Variants in ERLIN2 observed in about 807,000 individuals in gnomAD.
ERLIN2 encodes erlin-2.
Under a neutral mutation model 41.5 loss-of-function variants are expected in ERLIN2, and 22 were observed. The ratio of observed to expected loss-of-function variants is 0.53; its 90% confidence interval spans 0.38 to 0.76. ERLIN2 has a LOEUF of 0.76. Ranked by LOEUF, ERLIN2 falls within the 30% of genes least tolerant of loss-of-function variation. The pLI is 0.00. For synonymous variants in ERLIN2, 149 were observed against 150.9 expected, an observed-to-expected ratio of 0.99 and a Z score of 0.09; for missense variants, 247 against 414.3, an observed-to-expected ratio of 0.60 and a Z score of 3.51.
intron 4 of ERLIN2, among the ~76,000 whole-genome samples, chr8:37,743,051 A>G (rs1802911189): frequency 6.6e-6 from 1 of 152,204 alleles, no homozygotes; most frequent in Admixed American, 6.5e-5. Context: ...GAATACCACA[A>G]AGAAACACTC....
intron 6 of ERLIN2, chr8:37,745,558 C>A: frequency 6.2e-7 from 1 of 1,613,622 alleles, no homozygotes; most frequent in Non-Finnish European, 8.5e-7. Flanking sequence ...TATAACTGTT[C>A]TTGACACTAG....
At chr8:37,745,546 A>G (rs1803013308) in intron 6 of ERLIN2, 1 of 1,612,238 alleles carries the variant, frequency 6.2e-7, no homozygotes, top group Non-Finnish European at 8.5e-7. Flanking sequence ...TTTAACCAAT[A>G]GTATAACTGT....
At position 37,741,686 on chromosome 8, in the gene ERLIN2, C is replaced by G; in HGVS notation, c.190-86C>G. 1 of 1,007,558 alleles carries G rather than the reference C, an allele frequency of 9.9e-7. No individual in the cohort carries two copies. The highest frequency in any genetic ancestry group is 1.6e-6 in the Non-Finnish European group (1 of 627,558). The allele number at this position is 1,007,558 out of a possible 1,614,324, so 62.4% of individuals were successfully genotyped here. A position where few individuals can be genotyped will look rare whatever the true frequency, so the allele number is the denominator to read the frequency against. Reference sequence around the variant, plus strand: ...GCCATGCTCAACCCAAACAGTTATTCCAGGACAAAGGCATTTAGGATTCTG... The same window carrying G: ...GCCATGCTCAACCCAAACAGTTATTGCAGGACAAAGGCATTTAGGATTCTG... On this transcript the variant is annotated intron_variant, in intron 3 of 11. Transcript: ENST00000519638. This position sits in a 1 kb window ranked among gnomAD's most constrained non-coding sequence, Gnocchi z 4.8.
At chr8:37,737,744 G>A in intron 1 of ERLIN2, 164 bp from the exon 2 acceptor site, 1 of 730,344 alleles carries the variant, frequency 1.4e-6, no homozygotes, top group African/African-American at 1.8e-5. Flanking sequence ...AACGTTGACT[G>A]AGAACGAGGA....
At position 37,754,227 on chromosome 8, in the gene ERLIN2, T is replaced by A; in HGVS notation, c.*112T>A. The stretch of plus-strand genomic sequence containing the variant: ...TTCTCTGACTGTCTTCCAGTTACTG[T>A]GGTGAAAAAGAAGAAATGAACTTAA... On this transcript the variant is annotated 3_prime_UTR_variant, in exon 12 of 12. Transcript: ENST00000519638. The A allele has an allele frequency of 1.2e-6, 1 of 858,666 alleles. No individual in the cohort carries two copies. Among genetic ancestry groups the A allele is most frequent in the Non-Finnish European group, 1.9e-6 (1 of 520,010 alleles). 53.2% of individuals were successfully genotyped at this position (858,666 alleles called of 1,614,324 possible).
At chr8:37,745,360 C>T (rs1036288085) in intron 6 of ERLIN2, 7 of 588,550 alleles carry the variant, frequency 1.2e-5, no homozygotes, top group East Asian at 5.6e-5. Context: ...AAAGATTCCA[C>T]GTGCCTAAGT....
rs1180007967 is a variant in ERLIN2 at position 37,755,845 on chromosome 8, G to A, written c.*1730G>A. The A allele has an allele frequency of 6.6e-6, 1 of 152,074 alleles. No individual in the cohort carries two copies. Among genetic ancestry groups the A allele is most frequent in the African/African-American group, 2.4e-5 (1 of 41,394 alleles). The allele number at this position is 152,074 out of a possible 1,614,324, so 9.4% of individuals were successfully genotyped here. A position where few individuals can be genotyped will look rare whatever the true frequency, so the allele number is the denominator to read the frequency against. Reference sequence around the variant, plus strand: ...GCACACTTTTTGCAGGCAACAAAATGTGCCTGGGAGTGATGGATTTTAATG... The same window carrying A: ...GCACACTTTTTGCAGGCAACAAAATATGCCTGGGAGTGATGGATTTTAATG... On this transcript the variant is annotated 3_prime_UTR_variant, in exon 12 of 12. Coordinates refer to ENST00000519638, the MANE Select transcript of ERLIN2 (RefSeq NM_007175.8).
chr8:37,752,910 TAAAAG>T (rs559610058), intron 10 of ERLIN2, among the ~76,000 whole-genome samples: 181 of 152,300 alleles, frequency 1.2e-3, no homozygotes, highest in African/African-American at 4.2e-3. Context: ...TTGATGGAAA[TAAAAG>T]GGAATTGAAG....
intron 6 of ERLIN2, chr8:37,745,057 A>G (rs959794427): frequency 3.5e-6 from 2 of 570,188 alleles, no homozygotes; most frequent in African/African-American, 3.7e-5. Context: ...CCAGACCAGC[A>G]TCCTCATTTT....
In ERLIN2 at chr8:37,744,687, G is replaced by C. The variant is rs770914507; in HGVS notation, c.415G>C (p.Glu139Gln). 3 of 1,614,160 alleles carry C rather than the reference G, an allele frequency of 1.9e-6. No homozygotes were observed. The Admixed American group carries it at 5.0e-5, about 27-fold the overall frequency. The change falls in exon 6 of 12, where the codon GAG becomes CAG. Residue 139 changes from glutamate to glutamine, a missense_variant. This residue lies in a region of ERLIN2 where 153 missense variants were observed against 256.4 expected (regional missense o/e 0.60). Transcript: ENST00000519638. ...SVHTLQEVYI[E>Q]LFDQIDENLK... Reference sequence around the variant, plus strand: ...GCACACGCTTCAAGAGGTCTACATTGAGCTGTTTGGTAAGAAAGTCTCTCC... The same window carrying C: ...GCACACGCTTCAAGAGGTCTACATTCAGCTGTTTGGTAAGAAAGTCTCTCC...
rs763488476 is a variant in ERLIN2 at position 37,749,556 on chromosome 8, C to G, written c.425-3C>G. The G allele has an allele frequency of 6.2e-7, 1 of 1,608,170 alleles. No homozygotes were observed. The highest frequency in any genetic ancestry group is 1.3e-5 in the African/African-American group (1 of 74,780). On this transcript the variant is annotated splice_polypyrimidine_tract_variant and splice_region_variant and intron_variant, in intron 6 of 11. Coordinates refer to ENST00000519638, the MANE Select transcript of ERLIN2 (RefSeq NM_007175.8). ...CTTTTTCTCCATCTTTTCTTTATTC[C>G]AGATCAGATTGATGAAAATCTCAAA...
chr8:37,740,147 C>CA (rs1802798414), intron 2 of ERLIN2, among the ~76,000 whole-genome samples: 1 of 152,156 alleles, frequency 6.6e-6, no homozygotes, highest in South Asian at 2.1e-4. Context: ...TTTCTCCTTG[C>CA]AAAAGCATGA....
intron 10 of ERLIN2, among the ~76,000 whole-genome samples, 178 bp downstream of exon 10, chr8:37,751,893 A>G (rs969641972): frequency 1.3e-5 from 2 of 152,202 alleles, no homozygotes; most frequent in African/African-American, 2.4e-5. Flanking sequence ...CCAGGCTAGC[A>G]TCTGTTTTCT....
At chr8:37,744,844 C>A in intron 6 of ERLIN2, 148 bp downstream of exon 6, 1 of 869,648 alleles carries the variant, frequency 1.1e-6, no homozygotes, top group South Asian at 1.4e-5. Context: ...AGGAGCTGGT[C>A]ACAAAGGAGT....
chr8:37,747,894 C>T (rs1803109249), intron 6 of ERLIN2: 3 of 1,613,932 alleles, frequency 1.9e-6, no homozygotes, highest in Middle Eastern at 1.6e-4. Context: ...GCACTAGGAC[C>T]ACCTGGCCGC....
chr8:37,753,563 C>G (rs1195798343), intron 11 of ERLIN2, 34 bp downstream of exon 11: 1 of 1,592,902 alleles, frequency 6.3e-7, no homozygotes, highest in Non-Finnish European at 8.6e-7. Context: ...AAAAAGGAGT[C>G]TTTGGGTCTG....
intron 6 of ERLIN2, chr8:37,748,003 A>G: frequency 6.2e-7 from 1 of 1,613,852 alleles, no homozygotes; most frequent in Non-Finnish European, 8.5e-7. Flanking sequence ...TACTTTCGGC[A>G]TGGTTTCCAG....
In ERLIN2 at chr8:37,758,007, G is replaced by C. The variant is rs568602082; in HGVS notation, c.*3892G>C. On this transcript the variant is annotated 3_prime_UTR_variant, in exon 12 of 12. Coordinates refer to ENST00000519638, the MANE Select transcript of ERLIN2 (RefSeq NM_007175.8). Reference sequence around the variant, plus strand: ...CTTAGGGTTGCCAGATAAAACATAAGATACCTAGTTAAATATGAATTTCAA... The same window carrying C: ...CTTAGGGTTGCCAGATAAAACATAACATACCTAGTTAAATATGAATTTCAA... 5 of 152,306 alleles carry C rather than the reference G, an allele frequency of 3.3e-5. No homozygotes were observed. The South Asian group carries it at 1.0e-3, about 32-fold the overall frequency. 9.4% of individuals were successfully genotyped at this position (152,306 alleles called of 1,614,324 possible).
intron 2 of ERLIN2, among the ~76,000 whole-genome samples, 172 bp from the exon 3 acceptor site, chr8:37,740,192 GA>G (rs1266592006): frequency 6.6e-6 from 1 of 152,110 alleles, no homozygotes; most frequent in Admixed American, 6.6e-5. Flanking sequence ...AGGCTTCCTA[GA>G]ATATTAGGAT....
Sources: allele counts gnomAD v4.1 joint callset (sites outside exome capture counted in the v4.1 genomes callset), GRCh38; gene constraint gnomAD v4.1.1; regional missense constraint gnomAD v4.1.1; non-coding constraint Gnocchi (gnomAD v3.1); transcripts MANE v1.5; gene names NCBI Gene and HGNC (gene_info 2026-07-23, HGNC 2026-07-21).